APAF1: variants seen among roughly 807,000 people sequenced by gnomAD.
The protein encoded by APAF1 is apoptotic protease-activating factor 1.
APAF1 carries 91 observed loss-of-function variants against 152.4 expected under a neutral mutation model. That is an observed-to-expected ratio of 0.60 (90% confidence interval 0.50 to 0.71). The LOEUF is 0.71. Ranked by LOEUF, APAF1 falls within the 30% of genes least tolerant of loss-of-function variation. The probability of loss-of-function intolerance (pLI) is 0.00; values close to 1 mark genes in which losing one functional copy is unlikely to be tolerated. For synonymous variants in APAF1, 484 were observed against 494.1 expected (o/e 0.98, Z 0.27); for missense variants, 1,283 against 1,472.0 (o/e 0.87, Z 2.10).
intron 16 of APAF1, among the ~76,000 whole-genome samples, chr12:98,698,710 TTGGGCA>T (rs1425026153): frequency 6.6e-6 from 1 of 152,198 alleles, no homozygotes; most frequent in Non-Finnish European, 1.5e-5. Flanking sequence ...AACCTTTGGT[TTGGGCA>T]TGGGCAGTCA....
chr12:98,726,477 T>G (rs2097750775), intron 25 of APAF1: 1 of 152,902 alleles, frequency 6.5e-6, no homozygotes, highest in African/African-American at 2.4e-5. Flanking sequence ...TGCAGAAGAC[T>G]AGGAGAGTAT....
At chr12:98,695,382 G>A (rs2097708790) in intron 16 of APAF1, among the ~76,000 whole-genome samples, 1 of 146,648 alleles carries the variant, frequency 6.8e-6, no homozygotes, top group Non-Finnish European at 1.5e-5. Flanking sequence ...TTTGAGACAG[G>A]GTCTCACTCT....
At chr12:98,699,352 G>C in intron 16 of APAF1, 56 bp from the exon 17 acceptor site, 1 of 1,540,684 alleles carries the variant, frequency 6.5e-7, no homozygotes, top group Non-Finnish European at 8.9e-7. Flanking sequence ...AAAAATTCTA[G>C]AAGTGTGATT....
Position 98,659,354 on chromosome 12 carries a change from T to A in APAF1, c.710+11T>A. The A allele has an allele frequency of 6.2e-7, 1 of 1,613,986 alleles. No homozygotes were observed. The highest frequency in any genetic ancestry group is 1.1e-5 in the South Asian group (1 of 91,078). On this transcript the variant is annotated intron_variant, in intron 5 of 26. Transcript: ENST00000551964. ...TCGCAAACACCCAAGGTACCGATGG[T>A]CAAATTTAGTTGGTGTGTCAGGTCC...
chr12:98,706,657 C>G (rs1350934151), intron 19 of APAF1, 47 bp downstream of exon 19: 1 of 1,608,374 alleles, frequency 6.2e-7, no homozygotes, highest in Admixed American at 1.7e-5. Context: ...TGATGGTGAG[C>G]TAAACCTCCT....
At chr12:98,699,250 G>T (rs541212901) in intron 16 of APAF1, among the ~76,000 whole-genome samples, 158 bp from the exon 17 acceptor site, 69 of 152,114 alleles carry the variant, frequency 4.5e-4, no homozygotes, top group Non-Finnish European at 8.8e-4. Context: ...TGAAACTGGA[G>T]ATCTTAATTT....
intron 7 of APAF1, among the ~76,000 whole-genome samples, chr12:98,663,812 C>T (rs1450731890): frequency 6.6e-6 from 1 of 151,848 alleles, no homozygotes; most frequent in Non-Finnish European, 1.5e-5. Flanking sequence ...GCATGTTCCA[C>T]CATGCCTAGC....
At chr12:98,709,436 TAACAGATGCCCTAAG>T (rs1225924463) in intron 20 of APAF1, among the ~76,000 whole-genome samples, 1 of 152,050 alleles carries the variant, frequency 6.6e-6, no homozygotes, top group African/African-American at 2.4e-5. Flanking sequence ...GGAGTGGTGG[TAACAGATGCCCTAAG>T]AGCAGATGCC....
chr12:98,692,517 G>A (rs1440043557), intron 16 of APAF1, among the ~76,000 whole-genome samples: 1 of 152,176 alleles, frequency 6.6e-6, no homozygotes, highest in Non-Finnish European at 1.5e-5. Flanking sequence ...CATCCAGATA[G>A]CATAGTACCC....
chr12:98,662,028 G>A (rs1188711470), intron 5 of APAF1, among the ~76,000 whole-genome samples: 4 of 151,874 alleles, frequency 2.6e-5, no homozygotes, highest in African/African-American at 9.7e-5. Flanking sequence ...GGTAAAAAAT[G>A]GTCACATATC....
intron 15 of APAF1, 77 bp from the exon 16 acceptor site, chr12:98,686,671 G>A: frequency 7.1e-7 from 1 of 1,415,954 alleles, no homozygotes; most frequent in Non-Finnish European, 9.8e-7. Flanking sequence ...GAGAGAAAAG[G>A]AAGAACTTCA....
At chr12:98,649,076 G>A (rs1390265606) in intron 3 of APAF1, 9 of 800,296 alleles carry the variant, frequency 1.1e-5, no homozygotes, top group Non-Finnish European at 1.5e-5. Flanking sequence ...CAATTTATAG[G>A]CCCTTGTTTA....
chr12:98,666,289 T>TC lies in APAF1; in HGVS notation c.1295dup (p.Phe433ValfsTer7). 6.2e-7 allele frequency: 1 copy of TC among 1,613,856 alleles called. No homozygotes were observed. Among genetic ancestry groups the TC allele is most frequent in the Non-Finnish European group, 8.5e-7 (1 of 1,179,906 alleles). The stretch of plus-strand genomic sequence containing the variant: ...TTTATTCTGTGATCGGAATGGAAAG[T>TC]CGTTTCGTTATTATTTACATGATCT... On this transcript the variant is annotated frameshift_variant, in exon 9 of 27. Coordinates refer to ENST00000551964, the MANE Select transcript of APAF1 (RefSeq NM_181861.2). LOFTEE classifies it high-confidence loss of function.
intron 21 of APAF1, 23 bp downstream of exon 21, chr12:98,712,458 A>G: frequency 8.1e-7 from 1 of 1,232,978 alleles, no homozygotes. Context: ...AGTCTTCAGA[A>G]TCTTTCTGTA....
At chr12:98,667,432 A>G in intron 9 of APAF1, 81 bp from the exon 10 acceptor site, 2 of 1,556,352 alleles carry the variant, frequency 1.3e-6, no homozygotes, top group South Asian at 2.2e-5. Flanking sequence ...TACATTCTTA[A>G]TAGCTTTGGA....
chr12:98,677,300 T>C, intron 12 of APAF1, 125 bp from the exon 13 acceptor site: 1 of 993,914 alleles, frequency 1.0e-6, no homozygotes. Flanking sequence ...AGTAATCTGA[T>C]TTTAAGAATT....
At chr12:98,694,931 G>A (rs755479492) in intron 16 of APAF1, among the ~76,000 whole-genome samples, 22 of 149,632 alleles carry the variant, frequency 1.5e-4, no homozygotes, top group Non-Finnish European at 2.2e-4. Context: ...CTGGAGTGCT[G>A]TGGCACCATC....
chr12:98,653,571 C>T (rs1032524150), intron 4 of APAF1, among the ~76,000 whole-genome samples: 10 of 140,888 alleles, frequency 7.1e-5, no homozygotes, highest in South Asian at 4.7e-4. Flanking sequence ...GCATAAGAAT[C>T]GCTTGAACAT....
intron 14 of APAF1, among the ~76,000 whole-genome samples, chr12:98,682,052 G>GTTTTTT (rs923577593): frequency 1.3e-4 from 16 of 123,888 alleles, no homozygotes; most frequent in Non-Finnish European, 2.1e-4. Flanking sequence ...TAATTTTTTT[G>GTTTTTT]TTTTTTTTTT....
Sources: gnomAD v4.1 joint callset for allele counts (sites outside exome capture counted in the v4.1 genomes callset) on GRCh38, gnomAD v4.1.1 for gene constraint, MANE v1.5 for transcripts, NCBI Gene and HGNC (gene_info 2026-07-23, HGNC 2026-07-21) for gene names.